CCDC187: variants seen among roughly 807,000 people sequenced by gnomAD.
CCDC187 encodes coiled-coil domain containing 187.
Under a neutral mutation model 38.0 loss-of-function variants are expected in CCDC187, and 32 were observed. The ratio of observed to expected loss-of-function variants is 0.84; its 90% CI spans 0.64 to 1.13. The LOEUF is 1.13. Ranked by LOEUF, CCDC187 falls within the 50% of genes most tolerant of loss-of-function variation. The probability of loss-of-function intolerance (pLI) is 0.00; values close to 1 mark genes in which losing one functional copy is unlikely to be tolerated. For synonymous variants in CCDC187, 333 were observed against 347.9 expected (o/e 0.96, Z 0.48); for missense variants, 707 against 786.8 (o/e 0.90, Z 1.21).
Position 136,290,559 on chromosome 9 carries a change from C to G in CCDC187, c.2054G>C (p.Gly685Ala). The change falls in exon 6 of 26, where the codon GGC becomes GCC. Residue 685 changes from glycine to alanine, a missense_variant. Transcript: ENST00000638797. Reference sequence around the variant, plus strand: ...CCGGGAGACCACGGGGACCGCCCTGCCGAGGACGGCCTCCCTCTGCTGCCG... The same window carrying G: ...CCGGGAGACCACGGGGACCGCCCTGGCGAGGACGGCCTCCCTCTGCTGCCG... ...VYRQQREAVL[G>A]RAVPVVSRTT... 2.5e-6 allele frequency: 1 copy of G among 399,064 alleles called. No homozygotes were observed. The highest frequency in any genetic ancestry group is 4.4e-6 in the Non-Finnish European group (1 of 226,420). 24.7% of individuals were successfully genotyped at this position (399,064 alleles called of 1,614,324 possible).
At chr9:136,273,345 C>T (rs1384128046) in intron 14 of CCDC187, among the ~76,000 whole-genome samples, 5 of 151,970 alleles carry the variant, frequency 3.3e-5, no homozygotes, top group African/African-American at 9.7e-5. Flanking sequence ...CATGAAACAC[C>T]CGTTGAAGGA....
At position 136,271,014 on chromosome 9, in the gene CCDC187, TCTAA is replaced by T. The variant is rs1291865304; in HGVS notation, c.3443-2893_3443-2890del. On this transcript the variant is annotated intron_variant, in intron 14 of 25. Coordinates refer to ENST00000638797, the MANE Select transcript of CCDC187 (RefSeq NM_001378188.1). ...TAATTTGTAATATAACTATTCTTGT[TCTAA>T]CTATTTTCTTTATTATACTGAAACA... Among the ~76,000 whole-genome samples, 7 of 152,278 alleles carry T rather than the reference TCTAA, an allele frequency of 4.6e-5. No individual in the cohort carries two copies. In the South Asian group the frequency reaches 1.0e-3, roughly 22 times the overall value.
At position 136,253,995 on chromosome 9, in the gene CCDC187, G is replaced by C; in HGVS notation, c.5833C>G (p.Pro1945Ala). The change falls in exon 26 of 26, where the codon CCT (proline) becomes GCT (alanine). Residue 1945 changes from proline (P) to alanine (A), a missense_variant. Physicochemically the swap from Pro to Ala is conservative, Grantham distance 27. Coordinates refer to ENST00000638797, the MANE Select transcript of CCDC187 (RefSeq NM_001378188.1). Reference protein sequence around the residue: ...PETPVTLQAPPGDPGRLAPPV... With the variant: ...PETPVTLQAPAGDPGRLAPPV... Reference sequence around the variant, plus strand: ...GGTGCCAGCCTGCCTGGGTCCCCAGGAGGAGCCTGCAGGGTCACCGGGGTC... The same window carrying C: ...GGTGCCAGCCTGCCTGGGTCCCCAGCAGGAGCCTGCAGGGTCACCGGGGTC... 3.0e-6 allele frequency: 3 copies of C among 985,400 alleles called. No homozygotes were observed. The highest frequency in any genetic ancestry group is 3.6e-6 in the Non-Finnish European group (3 of 829,960). 61.0% of individuals were successfully genotyped at this position (985,400 alleles called of 1,614,324 possible). A position where few individuals can be genotyped will look rare whatever the true frequency, so the allele number is the denominator to read the frequency against.
At chr9:136,268,741 A>T (rs1193733216) in intron 14 of CCDC187, among the ~76,000 whole-genome samples, 3 of 152,174 alleles carry the variant, frequency 2.0e-5, no homozygotes, top group Non-Finnish European at 4.4e-5. Context: ...ATACATATAT[A>T]TATATTTTTT....
chr9:136,257,306 G>A lies in CCDC187; in HGVS notation c.4367-465C>T, dbSNP rs1285227168. ...AAGAATTGCTTGAACCCGGGAGGCGGAGGTTGCAGTGAGCCAAGATCACGC... is the reference window on the plus strand; with the variant it reads ...AAGAATTGCTTGAACCCGGGAGGCGAAGGTTGCAGTGAGCCAAGATCACGC... On this transcript the variant is annotated intron_variant, in intron 22 of 25. Coordinates refer to ENST00000638797, the MANE Select transcript of CCDC187 (RefSeq NM_001378188.1). This position sits in a 1 kb window ranked among gnomAD's most constrained non-coding sequence, Gnocchi z 4.5. 2.0e-5 allele frequency among the ~76,000 whole-genome samples: 3 copies of A among 152,136 alleles called. No homozygotes were observed. Among genetic ancestry groups the A allele is most frequent in the African/African-American group, 7.2e-5 (3 of 41,404 alleles).
chr9:136,272,136 C>T (rs1480758528), intron 14 of CCDC187, among the ~76,000 whole-genome samples: 1 of 151,978 alleles, frequency 6.6e-6, no homozygotes, highest in Non-Finnish European at 1.5e-5. Context: ...GCTAAAGACA[C>T]CAGCAGACAC....
chr9:136,262,107 C>T (rs565909817), intron 19 of CCDC187, among the ~76,000 whole-genome samples: 5 of 152,266 alleles, frequency 3.3e-5, no homozygotes, highest in Non-Finnish European at 7.3e-5. Flanking sequence ...AACGGCCATA[C>T]GGCCAAGCCT....
chr9:136,267,517 G>T lies in CCDC187; in HGVS notation c.3520-6C>A. On this transcript the variant is annotated splice_region_variant and splice_polypyrimidine_tract_variant and intron_variant, in intron 15 of 25. Transcript: ENST00000638797. ...CGCAGGCTCCGCTCCAGCATCTGCAGCTTGAAGCGGCCCAAGGCCCCTAAA... is the reference window on the plus strand; with the variant it reads ...CGCAGGCTCCGCTCCAGCATCTGCATCTTGAAGCGGCCCAAGGCCCCTAAA... The T allele has an allele frequency of 1.0e-6, 1 of 985,700 alleles. No homozygotes were observed. Among genetic ancestry groups the T allele is most frequent in the Non-Finnish European group, 1.2e-6 (1 of 830,116 alleles). 61.1% of individuals were successfully genotyped at this position (985,700 alleles called of 1,614,324 possible).
At chr9:136,283,487 C>T (rs1029395684) in intron 9 of CCDC187, among the ~76,000 whole-genome samples, 12 of 152,386 alleles carry the variant, frequency 7.9e-5, no homozygotes, top group African/African-American at 2.9e-4. Flanking sequence ...CAGCGAGCCT[C>T]TGAGCCTCTC....
At chr9:136,269,365 T>C (rs1483223695) in intron 14 of CCDC187, among the ~76,000 whole-genome samples, 1 of 152,222 alleles carries the variant, frequency 6.6e-6, no homozygotes, top group Non-Finnish European at 1.5e-5. Context: ...AGAATGTTTA[T>C]AGGGGCCAGT....
At position 136,290,773 on chromosome 9, in the gene CCDC187, C is replaced by T. The variant is rs1831305820; in HGVS notation, c.1840G>A (p.Gly614Arg). ...GGCCGCAGCGTGTCCTTCTCCTTCC[C>T]AAGTGGGTTCTGAGGGAAGCTCCCG... ...PTGSFPQNPL[G>R]KEKDTLRPCP... The change falls in exon 6 of 26, where the codon GGG becomes AGG. Residue 614 changes from glycine (G) to arginine (R), a missense_variant. Coordinates refer to ENST00000638797, the MANE Select transcript of CCDC187 (RefSeq NM_001378188.1). 1 of 398,418 alleles carries T rather than the reference C, an allele frequency of 2.5e-6. No individual in the cohort carries two copies. The highest frequency in any genetic ancestry group is 2.1e-5 in the African/African-American group (1 of 48,638). The allele number at this position is 398,418 out of a possible 1,614,324, so 24.7% of individuals were successfully genotyped here. A position where few individuals can be genotyped will look rare whatever the true frequency, so the allele number is the denominator to read the frequency against.
At chr9:136,299,474 A>T (rs1273302619) in intron 3 of CCDC187, among the ~76,000 whole-genome samples, 2 of 152,174 alleles carry the variant, frequency 1.3e-5, no homozygotes, top group Admixed American at 6.5e-5. Flanking sequence ...CCCATCCTTC[A>T]TTCTGGGCCT....
chr9:136,290,668 C>A lies in CCDC187; in HGVS notation c.1945G>T (p.Ala649Ser). Residue 649 changes from alanine to serine, a missense_variant, in exon 6 of 26, where the codon GCC (alanine) becomes TCC (serine). Physicochemically the swap from Ala to Ser is moderately conservative, Grantham distance 99. Transcript: ENST00000638797. ...TCCTCCAGGGCCTGCCGCCGCCGGG[C>A]CTGCGCCTTCTGGCGCATGAACTCC... ...LREFMRQKAQARRRQALEEKA... is the reference protein window; with the variant it reads ...LREFMRQKAQSRRRQALEEKA... 2.5e-6 allele frequency: 1 copy of A among 398,574 alleles called. No homozygotes were observed. Among genetic ancestry groups the A allele is most frequent in the East Asian group, 3.6e-5 (1 of 28,058 alleles). The allele number at this position is 398,574 out of a possible 1,614,324, so 24.7% of individuals were successfully genotyped here. A position where few individuals can be genotyped will look rare whatever the true frequency, so the allele number is the denominator to read the frequency against.
At chr9:136,274,300 C>T (rs1830890088) in intron 14 of CCDC187, among the ~76,000 whole-genome samples, 2 of 152,242 alleles carry the variant, frequency 1.3e-5, no homozygotes, top group Admixed American at 6.5e-5. Flanking sequence ...CCCTGGGCTG[C>T]GGACCTCCCT....
chr9:136,281,765 C>T, intron 9 of CCDC187, 102 bp from the exon 10 acceptor site: 1 of 397,754 alleles, frequency 2.5e-6, no homozygotes, highest in Non-Finnish European at 4.4e-6. Context: ...AACCTGGGCT[C>T]CCGTGGCCTG....
chr9:136,290,220 G>T (rs1831284361), intron 6 of CCDC187, among the ~76,000 whole-genome samples, 167 bp from the exon 7 acceptor site: 1 of 152,144 alleles, frequency 6.6e-6, no homozygotes, highest in African/African-American at 2.4e-5. Context: ...AGGCAAGGGG[G>T]TCCCTCCGGA....
In CCDC187 at chr9:136,252,031, CAGTCCACCCTGGGAA is replaced by C. The variant is rs1830547654; in HGVS notation, c.*1548_*1562del. 8.7e-6 allele frequency: 1 copy of C among 114,840 alleles called. No homozygotes were observed. Among genetic ancestry groups the C allele is most frequent in the Non-Finnish European group, 2.0e-5 (1 of 49,838 alleles). The allele number at this position is 114,840 out of a possible 1,614,324, so 7.1% of individuals were successfully genotyped here. ...CCCTGGGAAGAGCCGGCCGCCCACC[CAGTCCACCCTGGGAA>C]GGTCCAGGCAACCATCCCGCACAGC... On this transcript the variant is annotated 3_prime_UTR_variant, in exon 26 of 26. Coordinates refer to ENST00000638797, the MANE Select transcript of CCDC187 (RefSeq NM_001378188.1).
At chr9:136,273,208 A>G (rs572349274) in intron 14 of CCDC187, among the ~76,000 whole-genome samples, 1 of 152,336 alleles carries the variant, frequency 6.6e-6, no homozygotes, top group African/African-American at 2.4e-5. Context: ...AAGCACCTCA[A>G]TTAAAAGGCA....
chr9:136,298,580 G>A (rs1003694813), intron 3 of CCDC187, among the ~76,000 whole-genome samples: 18,128 of 152,288 alleles, frequency 0.12, 1,272 homozygotes, highest in Middle Eastern at 0.24. Flanking sequence ...CACAGAAGAG[G>A]ACCCTGGCCC....
Sources: allele counts gnomAD v4.1 joint callset (sites outside exome capture counted in the v4.1 genomes callset), GRCh38; gene constraint gnomAD v4.1.1; non-coding constraint Gnocchi (gnomAD v3.1); transcripts MANE v1.5; gene names NCBI Gene and HGNC (gene_info 2026-07-23, HGNC 2026-07-21).